The following SIPA1L3 variants were observed in gnomAD, a reference collection of about 807,000 sequenced individuals.
SIPA1L3 encodes the protein signal-induced proliferation-associated 1-like protein 3.
SIPA1L3 carries 59 observed loss-of-function variants against 150.1 expected under a neutral mutation model. That is an observed-to-expected ratio of 0.39 (90% CI 0.32 to 0.49). SIPA1L3 has a LOEUF of 0.49. Ranked by LOEUF, SIPA1L3 falls within the 20% of genes least tolerant of loss-of-function variation. The probability of loss-of-function intolerance (pLI) is 0.86; values close to 1 mark genes in which losing one functional copy is unlikely to be tolerated. For missense variants in SIPA1L3, 2,211 were observed against 2,489.5 expected (o/e 0.89, Z 2.38); for synonymous variants, 1,070 against 1,077.6 (o/e 0.99, Z 0.14).
At chr19:38,018,431 C>T (rs1968290292) in intron 1 of SIPA1L3, among the ~76,000 whole-genome samples, 1 of 152,074 alleles carries the variant, frequency 6.6e-6, no homozygotes, top group African/African-American at 2.4e-5. Context: ...GGATTACAGG[C>T]GTGAGCCACC....
At chr19:38,104,605 T>C (rs1020696884) in intron 6 of SIPA1L3, among the ~76,000 whole-genome samples, 2 of 152,130 alleles carry the variant, frequency 1.3e-5, no homozygotes, top group Non-Finnish European at 2.9e-5. Flanking sequence ...ACAGTCTCGC[T>C]CTGTCACCCA....
At chr19:38,133,985 A>C (rs551526058) in intron 10 of SIPA1L3, among the ~76,000 whole-genome samples, 1 of 151,756 alleles carries the variant, frequency 6.6e-6, no homozygotes, top group East Asian at 1.9e-4. Context: ...CACTACAACA[A>C]ATTTTTTTTT....
chr19:37,955,947 GT>G (rs1174806377), intron 1 of SIPA1L3, among the ~76,000 whole-genome samples: 1 of 152,198 alleles, frequency 6.6e-6, no homozygotes, highest in Non-Finnish European at 1.5e-5. Flanking sequence ...CTCTGTTTAA[GT>G]TTTTAAGAAA....
intron 5 of SIPA1L3, 147 bp from the exon 6 acceptor site, chr19:38,100,905 A>G (rs573060356): frequency 2.1e-4 from 176 of 853,220 alleles, no homozygotes; most frequent in Non-Finnish European, 2.5e-4. Context: ...ATGCCCCAAC[A>G]CTGTTTTCCC....
intron 7 of SIPA1L3, chr19:38,108,638 T>A (rs1327562907): frequency 6.6e-6 from 1 of 152,228 alleles, no homozygotes; most frequent in Non-Finnish European, 1.5e-5. Flanking sequence ...CGTCCATGGA[T>A]CTCCTGCATT....
intron 1 of SIPA1L3, among the ~76,000 whole-genome samples, chr19:38,018,887 G>T (rs1267073412): frequency 6.6e-6 from 1 of 152,094 alleles, no homozygotes; most frequent in Non-Finnish European, 1.5e-5. Flanking sequence ...TCCAGAGTGA[G>T]GTAGTGCCCA....
intron 15 of SIPA1L3, among the ~76,000 whole-genome samples, chr19:38,178,743 C>T (rs529764163): frequency 2.1e-4 from 32 of 152,012 alleles, no homozygotes; most frequent in Non-Finnish European, 3.2e-4. Context: ...CCCAAAGTGC[C>T]GGGATTACAG....
Position 38,101,105 on chromosome 19 carries a change from C to T in SIPA1L3, c.1908C>T (p.Ser636=), listed in dbSNP as rs781258315. ...GILYCKAGQS[S]EEEMYNNEEA... ...TCTATTGCAAGGCCGGCCAGAGCTC[C>T]GAGGAGGAGATGTACAACAATGAGG... Residue 636 remains serine (S), a synonymous_variant, in exon 6 of 22, where the codon TCC becomes TCT. Transcript: ENST00000222345. 11 of 1,606,640 alleles carry T rather than the reference C, an allele frequency of 6.8e-6. No homozygotes were observed. Among genetic ancestry groups the T allele is most frequent in the Admixed American group, 1.7e-5 (1 of 59,192 alleles).
chr19:38,083,012 C>G lies in SIPA1L3; in HGVS notation c.1447C>G (p.Gln483Glu). ...GGTGTTGGAAGTTCCCAAGGAGCAG[C>G]AGCGGACGCAGAGTCGGCCCCGGCA... Reference protein sequence around the residue: ...ISVLEVPKEQQRTQSRPRQYS... With the variant: ...ISVLEVPKEQERTQSRPRQYS... Residue 483 changes from glutamine to glutamate, a missense_variant, in exon 3 of 22, where the codon CAG (glutamine) becomes GAG (glutamate). Physicochemically the swap from Gln to Glu is conservative, Grantham distance 29. Around this residue, in one of 5 missense-constraint regions of SIPA1L3, gnomAD observed 587 missense variants for 534.5 expected, o/e 1.10. Transcript: ENST00000222345. 1 of 1,613,316 alleles carries G rather than the reference C, an allele frequency of 6.2e-7. No homozygotes were observed. Among genetic ancestry groups the G allele is most frequent in the Non-Finnish European group, 8.5e-7 (1 of 1,180,000 alleles).
Position 38,181,565 on chromosome 19 carries a change from CG to C in SIPA1L3, c.4209-951del, listed in dbSNP as rs1394563679. 5.9e-5 allele frequency among the ~76,000 whole-genome samples: 9 copies of C among 152,042 alleles called. No individual in the cohort carries two copies. The East Asian group carries it at 1.4e-3, about 23-fold the overall frequency. ...TGTTTTTGCATAGAAAAAGGTTGAC[CG>C]GGTGCGGTGGCTCACACCTGTAATC... On this transcript the variant is annotated intron_variant, in intron 15 of 21. Coordinates refer to ENST00000222345, the MANE Select transcript of SIPA1L3 (RefSeq NM_015073.3).
chr19:38,190,300 G>A (rs1972779641), intron 16 of SIPA1L3, among the ~76,000 whole-genome samples: 1 of 152,160 alleles, frequency 6.6e-6, no homozygotes, highest in Non-Finnish European at 1.5e-5. Context: ...GGGCATTCTG[G>A]GAAATATTGA....
At chr19:38,035,940 C>T (rs1326456748) in intron 2 of SIPA1L3, among the ~76,000 whole-genome samples, 2 of 152,174 alleles carry the variant, frequency 1.3e-5, no homozygotes, top group Admixed American at 6.5e-5. Context: ...CAGCCCTGAG[C>T]TGGCACAGGC....
chr19:38,078,166 C>G (rs1441361106), intron 2 of SIPA1L3, among the ~76,000 whole-genome samples: 1 of 152,142 alleles, frequency 6.6e-6, no homozygotes, highest in Non-Finnish European at 1.5e-5. Flanking sequence ...GAGGGCTTTC[C>G]AGCTTCCTCT....
chr19:38,055,337 T>TGTC (rs945926511), intron 2 of SIPA1L3, among the ~76,000 whole-genome samples: 2 of 152,246 alleles, frequency 1.3e-5, no homozygotes, highest in African/African-American at 4.8e-5. Context: ...CTCATCTTGC[T>TGTC]GTCCCCAGCA....
rs1056092669 is a variant in SIPA1L3 at position 38,170,251 on chromosome 19, C to T, written c.4208+5345C>T. ...TCTCACCCCACCTCACTCCATTGGC[C>T]TCCCACAGTCTTCCCATTTCAGTAG... is the stretch of plus-strand genomic sequence containing the variant. On this transcript the variant is annotated intron_variant, in intron 15 of 21. Coordinates refer to ENST00000222345, the MANE Select transcript of SIPA1L3 (RefSeq NM_015073.3). Among the ~76,000 whole-genome samples the T allele has an allele frequency of 2.0e-5, 3 of 152,318 alleles. No homozygotes were observed. The East Asian group carries it at 5.8e-4, about 29-fold the overall frequency.
chr19:37,956,482 G>GTTTTTTTTTTTTTTTTTTT (rs34804753), intron 1 of SIPA1L3, among the ~76,000 whole-genome samples: 1 of 126,882 alleles, frequency 7.9e-6, no homozygotes. Context: ...AAGTATAAAA[G>GTTTTTTTTTTTTTTTTTTT]TTTTGTTTTT....
chr19:38,108,994 AAAAAAAG>A (rs1012119107), intron 7 of SIPA1L3, among the ~76,000 whole-genome samples: 2 of 152,200 alleles, frequency 1.3e-5, no homozygotes, highest in Non-Finnish European at 2.9e-5. Flanking sequence ...AGTCTCCAAA[AAAAAAAG>A]AAAAAAGAAA....
intron 1 of SIPA1L3, among the ~76,000 whole-genome samples, chr19:37,914,694 TG>T (rs2046402283): frequency 6.6e-6 from 1 of 152,108 alleles, no homozygotes; most frequent in South Asian, 2.1e-4. Flanking sequence ...TTCTATTTTT[TG>T]TAGAGACCTG....
At chr19:38,135,677 G>A (rs4803803) in intron 10 of SIPA1L3, among the ~76,000 whole-genome samples, 28,024 of 152,102 alleles carry the variant, frequency 0.18, 2,977 homozygotes, top group African/African-American at 0.29. Flanking sequence ...CCCTTTTCAG[G>A]AGGAAGACAT....
Sources: gnomAD v4.1 joint callset for allele counts (sites outside exome capture counted in the v4.1 genomes callset) on GRCh38, gnomAD v4.1.1 for gene constraint, gnomAD v4.1.1 regional missense constraint, MANE v1.5 for transcripts, NCBI Gene and HGNC (gene_info 2026-07-23, HGNC 2026-07-21) for gene names.